MEG3: variants seen among roughly 807,000 people sequenced by gnomAD.
MEG3 encodes maternally expressed 3, also known as Very putative protein from MEG3 locus.
downstream of MEG3, chr14:100,831,228 G>C (rs2096783041): frequency 6.5e-6 from 1 of 153,028 alleles, no homozygotes; most frequent in African/African-American, 2.4e-5. Context: ...AGGCTCCACA[G>C]ATTGGGCCCC....
chr14:100,841,502 C>T (rs1035063716), intron 2 of MEG3, among the ~76,000 whole-genome samples: 3 of 152,224 alleles, frequency 2.0e-5, no homozygotes, highest in African/African-American at 7.2e-5. Flanking sequence ...TGGTCCGCTG[C>T]CCCCTCTGCT....
At chr14:100,844,071 A>T (rs2037841588) in intron 2 of MEG3, among the ~76,000 whole-genome samples, 1 of 152,026 alleles carries the variant, frequency 6.6e-6, no homozygotes, top group African/African-American at 2.4e-5. Flanking sequence ...ACCTCAGGCG[A>T]TCCACCTGCC....
intron 2 of MEG3, among the ~76,000 whole-genome samples, chr14:100,842,806 T>G (rs1877066690): frequency 6.6e-6 from 1 of 152,224 alleles, no homozygotes; most frequent in African/African-American, 2.4e-5. Context: ...CCCATTAAGC[T>G]GTGGAAGATG....
At chr14:100,832,345 AC>A (rs1223609189), downstream of MEG3, 15 of 151,958 alleles carry the variant, frequency 9.9e-5, no homozygotes, top group African/African-American at 3.4e-4. Context: ...ATCCTGGTAA[AC>A]CCTGCCCCCT....
At chr14:100,840,504 TC>T (rs34552516) in intron 2 of MEG3, among the ~76,000 whole-genome samples, 64,342 of 151,880 alleles carry the variant, frequency 0.42, 13,825 homozygotes, top group African/African-American at 0.44. Context: ...TGCCTTTTTT[TC>T]CAGATGAAAA....
At chr14:100,847,038 AC>A (rs1162426494) in intron 3 of MEG3, 1 of 152,020 alleles carries the variant, frequency 6.6e-6, no homozygotes, top group African/African-American at 2.4e-5. Context: ...AAAAAAAAAA[AC>A]AGACTAGAGG....
chr14:100,843,698 G>A (rs545544126), intron 2 of MEG3, among the ~76,000 whole-genome samples: 1 of 152,298 alleles, frequency 6.6e-6, no homozygotes, highest in South Asian at 2.1e-4. Context: ...GAGAGGCAGA[G>A]GCAGCAGGGG....
At chr14:100,852,240 G>T in intron 3 of MEG3, 1 of 457,858 alleles carries the variant, frequency 2.2e-6, no homozygotes. Context: ...GCAGCAAAGT[G>T]GGGTGCTCAG....
intron 1 of MEG3, chr14:100,826,514 C>T (rs921920378): frequency 6.6e-6 from 1 of 152,264 alleles, no homozygotes; most frequent in Non-Finnish European, 1.5e-5. Flanking sequence ...TCAGATGGAA[C>T]TCCTCTTGGA....
intron 3 of MEG3, chr14:100,848,480 T>C (rs1014216187): frequency 3.9e-5 from 6 of 152,198 alleles, no homozygotes; most frequent in Non-Finnish European, 7.3e-5. Flanking sequence ...AAGATTTGCA[T>C]TGACCGATGA....
At position 100,845,148 on chromosome 14, in the gene MEG3, C is replaced by T. The variant is rs759750263; in HGVS notation, n.3046-310C>T. ...CTGTCTTCAGGGCCTGGGCCACCCC[C>T]GTTTCTCATCTATGCAGGGTCCTAA... On this transcript the variant is annotated intron_variant and non_coding_transcript_variant, in intron 2 of 3. Coordinates refer to the MEG3 transcript ENST00000398461. The surrounding 1 kb of genome is among the most constrained non-coding windows in gnomAD (Gnocchi z 5.2). Among the ~76,000 whole-genome samples the T allele has an allele frequency of 7.9e-5, 12 of 152,196 alleles. No individual in the cohort carries two copies. Among genetic ancestry groups the T allele is most frequent in the East Asian group, 1.9e-4 (1 of 5,186 alleles).
At chr14:100,851,889 T>C in intron 3 of MEG3, 1 of 159,688 alleles carries the variant, frequency 6.3e-6, no homozygotes, top group Non-Finnish European at 1.4e-5. Context: ...CTCCTTTCTC[T>C]GTAGTGGAGG....
At chr14:100,840,545 A>G (rs1242890031) in intron 2 of MEG3, among the ~76,000 whole-genome samples, 1 of 152,132 alleles carries the variant, frequency 6.6e-6, no homozygotes, top group Non-Finnish European at 1.5e-5. Context: ...TTCCCCTGAA[A>G]CGGAGTGTGT....
chr14:100,848,888 TG>T, intron 3 of MEG3: 1 of 152,196 alleles, frequency 6.6e-6, no homozygotes, highest in Non-Finnish European at 1.5e-5. Flanking sequence ...AGGCACTTCT[TG>T]GACAAGCACT....
At chr14:100,839,433 A>G (rs1403618270) in intron 2 of MEG3, among the ~76,000 whole-genome samples, 1 of 152,316 alleles carries the variant, frequency 6.6e-6, no homozygotes, top group East Asian at 1.9e-4. Context: ...CAGATGGAAG[A>G]GTCTAGAAAA....
At chr14:100,826,269 T>A (rs1220528579) in intron 1 of MEG3, 1 of 152,228 alleles carries the variant, frequency 6.6e-6, no homozygotes. Context: ...GAAGACGGCA[T>A]CCGCTTCTGG....
At chr14:100,829,924 T>C (rs1419293771), downstream of MEG3, 1 of 152,194 alleles carries the variant, frequency 6.6e-6, no homozygotes, top group African/African-American at 2.4e-5. Flanking sequence ...AGTGTTGATT[T>C]TTGTAATTTA....
At chr14:100,834,594 C>T in exon 1 of MEG3, 2 of 428,984 alleles carry the variant, frequency 4.7e-6, no homozygotes, top group Non-Finnish European at 9.4e-6. Flanking sequence ...CCTCGTCTTC[C>T]TCTCTCTCAA....
intron 2 of MEG3, among the ~76,000 whole-genome samples, chr14:100,841,399 G>A (rs866214246): frequency 7.9e-5 from 12 of 152,368 alleles, no homozygotes; most frequent in South Asian, 4.1e-4. Flanking sequence ...GCCCATGGTC[G>A]TCCGAGTGGC....
Sources: gnomAD v4.1 joint callset for allele counts (sites outside exome capture counted in the v4.1 genomes callset) on GRCh38, gnomAD v4.1.1 for gene constraint, Gnocchi (gnomAD v3.1) non-coding constraint, MANE v1.5 for transcripts, NCBI Gene and HGNC (gene_info 2026-07-23, HGNC 2026-07-21) for gene names.